The following KHDRBS2 variants were observed in gnomAD, a reference collection of about 807,000 sequenced individuals.
KHDRBS2 encodes KH RNA binding domain containing, signal transduction associated 2, also known as KH domain-containing, RNA-binding, signal transduction-associated protein 2.
KHDRBS2 carries 26 observed loss-of-function variants against 44.3 expected under a neutral mutation model. The ratio of observed to expected loss-of-function variants is 0.59; its 90% confidence interval spans 0.43 to 0.81. The LOEUF is 0.81. Ranked by LOEUF, KHDRBS2 falls within the 40% of genes least tolerant of loss-of-function variation. The pLI is 0.00. For synonymous variants in KHDRBS2, 194 were observed against 151.1 expected (o/e 1.28, Z -2.08); for missense variants, 476 against 433.1 (o/e 1.10, Z -0.88).
chr6:62,022,957 CA>C (rs1214970557), intron 3 of KHDRBS2, among the ~76,000 whole-genome samples: 3 of 151,566 alleles, frequency 2.0e-5, no homozygotes, highest in African/African-American at 7.2e-5. Flanking sequence ...AAGAAGCTAT[CA>C]TCTTCAAAAT....
intron 2 of KHDRBS2, among the ~76,000 whole-genome samples, chr6:62,139,060 T>G (rs1387788411): frequency 6.6e-6 from 1 of 150,870 alleles, no homozygotes; most frequent in Admixed American, 6.6e-5. Context: ...ATTGCTTGAT[T>G]TTTTTTTTAG....
At chr6:61,741,243 GA>G (rs200877679) in intron 6 of KHDRBS2, among the ~76,000 whole-genome samples, 20 of 148,564 alleles carry the variant, frequency 1.3e-4, no homozygotes, top group Non-Finnish European at 3.0e-4. Context: ...GTTCTAAAAA[GA>G]AAAAAAAATG....
intron 4 of KHDRBS2, among the ~76,000 whole-genome samples, chr6:61,973,478 G>A (rs1467774956): frequency 6.6e-6 from 1 of 152,056 alleles, no homozygotes; most frequent in Admixed American, 6.6e-5. Context: ...TCAGGCTCTT[G>A]GTAGGTTTCC....
intron 6 of KHDRBS2, among the ~76,000 whole-genome samples, chr6:61,874,463 T>G (rs1401670668): frequency 6.6e-6 from 1 of 152,150 alleles, no homozygotes; most frequent in African/African-American, 2.4e-5. Context: ...TGTCTACTTT[T>G]TCCCCCATTC....
At chr6:61,875,589 G>A (rs1583285642) in intron 6 of KHDRBS2, among the ~76,000 whole-genome samples, 2 of 152,048 alleles carry the variant, frequency 1.3e-5, no homozygotes, top group African/African-American at 2.4e-5. Context: ...ACAGACCAAA[G>A]GAAACCTTGA....
chr6:62,176,461 C>T (rs1325916694), intron 2 of KHDRBS2, among the ~76,000 whole-genome samples: 1 of 151,260 alleles, frequency 6.6e-6, no homozygotes, highest in East Asian at 1.9e-4. Flanking sequence ...AGGATAATTA[C>T]ATGGTCCTTG....
chr6:61,880,743 TTACAG>T (rs992549373), intron 6 of KHDRBS2, among the ~76,000 whole-genome samples: 2 of 151,962 alleles, frequency 1.3e-5, no homozygotes, highest in African/African-American at 4.8e-5. Context: ...GTTTTCTGTC[TTACAG>T]TAAACTATAC....
the KHDRBS2 span, among the ~76,000 whole-genome samples, chr6:61,645,988 T>C: frequency 6.6e-6 from 1 of 152,320 alleles, no homozygotes; most frequent in African/African-American, 2.4e-5. Flanking sequence ...ATCCATCTTA[T>C]CATTTACCAG....
the KHDRBS2 span, among the ~76,000 whole-genome samples, chr6:61,622,711 T>C: frequency 6.6e-6 from 1 of 152,116 alleles, no homozygotes; most frequent in Admixed American, 6.5e-5. Flanking sequence ...GTGAACATGC[T>C]TGAATGGCTG....
the KHDRBS2 span, among the ~76,000 whole-genome samples, chr6:61,662,753 G>A: frequency 1.3e-5 from 2 of 151,876 alleles, no homozygotes; most frequent in African/African-American, 2.4e-5. Context: ...GGAAACAACA[G>A]GTGCTGGAGA....
intron 2 of KHDRBS2, among the ~76,000 whole-genome samples, chr6:62,063,585 C>A (rs1220847652): frequency 2.0e-5 from 3 of 151,680 alleles, no homozygotes; most frequent in Non-Finnish European, 4.4e-5. Flanking sequence ...AACAACCCTT[C>A]ATGATAAAAA....
At chr6:62,117,847 C>G (rs949035380) in intron 2 of KHDRBS2, among the ~76,000 whole-genome samples, 4 of 152,072 alleles carry the variant, frequency 2.6e-5, no homozygotes, top group Non-Finnish European at 4.4e-5. Flanking sequence ...GTGATCTCAG[C>G]TCACTGAAAC....
chr6:61,834,446 G>C (rs1456116961), intron 6 of KHDRBS2, among the ~76,000 whole-genome samples: 8 of 152,022 alleles, frequency 5.3e-5, no homozygotes, highest in African/African-American at 1.7e-4. Flanking sequence ...GATAAGATGA[G>C]TTCTTTTACC....
intron 6 of KHDRBS2, among the ~76,000 whole-genome samples, chr6:61,879,418 A>T (rs543859767): frequency 6.6e-6 from 1 of 151,870 alleles, no homozygotes; most frequent in Non-Finnish European, 1.5e-5. Flanking sequence ...ACATCTTTAC[A>T]TGCTGTTAGC....
At chr6:61,882,630 A>C (rs997638885) in intron 6 of KHDRBS2, among the ~76,000 whole-genome samples, 3 of 152,018 alleles carry the variant, frequency 2.0e-5, no homozygotes, top group Non-Finnish European at 2.9e-5. Flanking sequence ...AGATTATTAC[A>C]AGTTATTGCA....
intron 1 of KHDRBS2, among the ~76,000 whole-genome samples, chr6:62,200,738 T>C (rs1477378624): frequency 1.3e-5 from 2 of 152,206 alleles, no homozygotes; most frequent in Non-Finnish European, 2.9e-5. Context: ...TTACTGGGTA[T>C]ATACCCAAAG....
At chr6:62,059,890 G>T (rs1262036794) in intron 2 of KHDRBS2, among the ~76,000 whole-genome samples, 1 of 151,654 alleles carries the variant, frequency 6.6e-6, no homozygotes, top group Non-Finnish European at 1.5e-5. Flanking sequence ...AAAAACAAGG[G>T]AAAACTTTTT....
Position 61,930,546 on chromosome 6 carries a change from G to GAAAAAAAAAAAA in KHDRBS2, c.484-29187_484-29176dup, listed in dbSNP as rs1439236595. ...CCTAAAAAAAAAAAAAAAAAAAAAA[G>GAAAAAAAAAAAA]AAAAAAAAAAAAAAAAAAAAAGGCT... On this transcript the variant is annotated intron_variant, in intron 4 of 8. Transcript: ENST00000281156. Among the ~76,000 whole-genome samples the GAAAAAAAAAAAA allele has an allele frequency of 1.5e-4, 7 of 47,572 alleles. 1 individual carries two copies. The highest frequency in any genetic ancestry group is 7.3e-4 in the East Asian group (1 of 1,372). 31.2% of individuals were successfully genotyped at this position (47,572 alleles called of 152,430 possible). A position where few individuals can be genotyped will look rare whatever the true frequency, so the allele number is the denominator to read the frequency against.
chr6:62,145,146 C>G (rs545292995), intron 2 of KHDRBS2, among the ~76,000 whole-genome samples: 2 of 151,858 alleles, frequency 1.3e-5, no homozygotes, highest in South Asian at 4.1e-4. Context: ...TATTCCTTTA[C>G]AGTAATGCAA....
Sources: allele counts gnomAD v4.1 joint callset (sites outside exome capture counted in the v4.1 genomes callset), GRCh38; gene constraint gnomAD v4.1.1; transcripts MANE v1.5; gene names NCBI Gene and HGNC (gene_info 2026-07-23, HGNC 2026-07-21).